CHRNG: variants seen among roughly 807,000 people sequenced by gnomAD.
CHRNG encodes the protein acetylcholine receptor subunit gamma.
Under a neutral mutation model 65.2 loss-of-function variants are expected in CHRNG, and 72 were observed. The observed-to-expected ratio is 1.10, with a 90% confidence interval of 0.91 to 1.34. The LOEUF is 1.34. Ranked by LOEUF, CHRNG falls within the 40% of genes most tolerant of loss-of-function variation. The probability of loss-of-function intolerance (pLI) is 0.00; values close to 1 mark genes in which losing one functional copy is unlikely to be tolerated. For synonymous variants in CHRNG, 284 were observed against 290.2 expected, an observed-to-expected ratio of 0.98 and a Z score of 0.22; for missense variants, 637 against 680.1, an observed-to-expected ratio of 0.94 and a Z score of 0.70.
At position 232,540,138 on chromosome 2, in the gene CHRNG, C is replaced by T. The variant is rs373840946; in HGVS notation, c.195+7C>T. Reference sequence around the variant, plus strand: ...CACCAACCTCATCTCCCTGGTAAGCCGCAGGACGGAGGAGGGGTCAGCGCA... The same window carrying T: ...CACCAACCTCATCTCCCTGGTAAGCTGCAGGACGGAGGAGGGGTCAGCGCA... On this transcript the variant is annotated splice_region_variant and intron_variant, in intron 2 of 11. Coordinates refer to ENST00000651502, the MANE Select transcript of CHRNG (RefSeq NM_005199.5). This position sits in a 1 kb window ranked among gnomAD's most constrained non-coding sequence, Gnocchi z 4.2. The T allele has an allele frequency of 1.3e-4, 205 of 1,614,022 alleles. 2 individuals are homozygous for T. The highest frequency in any genetic ancestry group is 5.2e-4 in the South Asian group (47 of 91,088).
chr2:232,541,010 CGA>C lies in CHRNG; in HGVS notation c.350+303_350+304del, dbSNP rs1240822706. On this transcript the variant is annotated intron_variant, in intron 4 of 11. Transcript: ENST00000651502. This position sits in a 1 kb window ranked among gnomAD's most constrained non-coding sequence, Gnocchi z 4.0. Reference sequence around the variant, plus strand: ...CGCTGACGGGTCCTATAGAAGCTGGCGAGAGTCAACAAGACAGGCATGAAAAG... The same window carrying C: ...CGCTGACGGGTCCTATAGAAGCTGGCGAGTCAACAAGACAGGCATGAAAAG... Among the ~76,000 whole-genome samples the C allele has an allele frequency of 6.6e-6, 1 of 151,918 alleles. No individual in the cohort carries two copies. Among genetic ancestry groups the C allele is most frequent in the East Asian group, 1.9e-4 (1 of 5,152 alleles).
rs2106219582 is a variant in CHRNG at position 232,539,721 on chromosome 2, C to T, written c.-27C>T. ...CAGACCTTGGAGCTGTTGTCCCACC[C>T]CTGTCACTGCAGAGAGCTGAGGCAC... On this transcript the variant is annotated 5_prime_UTR_variant, in exon 1 of 12. Transcript: ENST00000651502. 1 of 1,612,382 alleles carries T rather than the reference C, an allele frequency of 6.2e-7. No homozygotes were observed. Among genetic ancestry groups the T allele is most frequent in the Non-Finnish European group, 8.5e-7 (1 of 1,178,866 alleles).
Position 232,540,228 on chromosome 2 carries a change from C to A in CHRNG, c.195+97C>A. On this transcript the variant is annotated intron_variant, in intron 2 of 11. Transcript: ENST00000651502. This position sits in a 1 kb window ranked among gnomAD's most constrained non-coding sequence, Gnocchi z 4.2. The stretch of plus-strand genomic sequence containing the variant: ...CCAGCCACCAAGAGGTTGGAGGGCC[C>A]TAAATCGGACAGGCTGGGGTCTGGA... The A allele has an allele frequency of 6.2e-7, 1 of 1,607,062 alleles. No homozygotes were observed. The highest frequency in any genetic ancestry group is 1.7e-5 in the Admixed American group (1 of 59,770).
chr2:232,540,535 G>C lies in CHRNG; in HGVS notation c.241-67G>C, dbSNP rs1691994449. 4 of 1,595,372 alleles carry C rather than the reference G, an allele frequency of 2.5e-6. No individual in the cohort carries two copies. Among genetic ancestry groups the C allele is most frequent in the Non-Finnish European group, 3.4e-6 (4 of 1,169,302 alleles). On this transcript the variant is annotated intron_variant, in intron 3 of 11. Transcript: ENST00000651502. The surrounding 1 kb of genome is among the most constrained non-coding windows in gnomAD (Gnocchi z 4.2). Reference sequence around the variant, plus strand: ...CTGCCTCTTCTGTCCTCTTGGGCTGGATGCCCACTCCTAGGGCTGTGGTGC... The same window carrying C: ...CTGCCTCTTCTGTCCTCTTGGGCTGCATGCCCACTCCTAGGGCTGTGGTGC...
In CHRNG at chr2:232,540,209, A is replaced by G; in HGVS notation, c.195+78A>G. The G allele has an allele frequency of 6.2e-7, 1 of 1,611,596 alleles. No homozygotes were observed. Among genetic ancestry groups the G allele is most frequent in the Non-Finnish European group, 8.5e-7 (1 of 1,178,092 alleles). On this transcript the variant is annotated intron_variant, in intron 2 of 11. Coordinates refer to ENST00000651502, the MANE Select transcript of CHRNG (RefSeq NM_005199.5). The surrounding 1 kb of genome is among the most constrained non-coding windows in gnomAD (Gnocchi z 4.2). ...GGGATAGCATGGGGTGGCTCCAGCC[A>G]CCAAGAGGTTGGAGGGCCCTAAATC... is the stretch of plus-strand genomic sequence containing the variant.
rs1462003305 is a variant in CHRNG, at chr2:232,541,834, G to A, written c.506+305G>A. ...AGGCACACATGCACACAAGATGCGT[G>A]TCTGCGCACACACGAAACCACTGCA... On this transcript the variant is annotated intron_variant, in intron 5 of 11. Transcript: ENST00000651502. This position sits in a 1 kb window ranked among gnomAD's most constrained non-coding sequence, Gnocchi z 4.0. The A allele has an allele frequency of 4.1e-6, 2 of 488,850 alleles. No individual in the cohort carries two copies. The highest frequency in any genetic ancestry group is 7.8e-5 in the East Asian group (2 of 25,676). The allele number at this position is 488,850 out of a possible 1,614,324, so 30.3% of individuals were successfully genotyped here. A position where few individuals can be genotyped will look rare whatever the true frequency, so the allele number is the denominator to read the frequency against.
Position 232,543,658 on chromosome 2 carries a change from C to T in CHRNG, c.994C>T (p.Arg332Trp), listed in dbSNP as rs567899708. The change falls in exon 9 of 12, where the codon CGG becomes TGG. Residue 332 changes from arginine to tryptophan, a missense_variant. Physicochemically the swap from Arg to Trp is moderately radical, Grantham distance 101. Coordinates refer to ENST00000651502, the MANE Select transcript of CHRNG (RefSeq NM_005199.5). ...NAVVVLNVSL[R>W]SPHTHSMARG... is the part of the protein sequence containing the mutation. ...TGTGGTTGTGCTCAATGTCTCCTTG[C>T]GGTCTCCACACACACACTCCATGGC... 3.2e-4 allele frequency: 519 copies of T among 1,613,564 alleles called. 7 individuals carry two copies. In the South Asian group the frequency reaches 5.0e-3, roughly 16 times the overall value.
rs1691999992 is a variant in CHRNG, at chr2:232,540,813, G to A, written c.350+102G>A. ...GAAAAGAGAAAGATGAGCAGAGGGT[G>A]CAAATCGGGCACCTGTGGGGCTAGG... On this transcript the variant is annotated intron_variant, in intron 4 of 11. Transcript: ENST00000651502. This position sits in a 1 kb window ranked among gnomAD's most constrained non-coding sequence, Gnocchi z 4.2. 9.3e-7 allele frequency: 1 copy of A among 1,078,978 alleles called. No individual in the cohort carries two copies. Among genetic ancestry groups the A allele is most frequent in the Non-Finnish European group, 1.4e-6 (1 of 731,330 alleles). The allele number at this position is 1,078,978 out of a possible 1,614,324, so 66.8% of individuals were successfully genotyped here.
At chr2:232,542,320 T>C (rs1692033915) in intron 5 of CHRNG, 103 bp from the exon 6 acceptor site, 2 of 764,316 alleles carry the variant, frequency 2.6e-6, no homozygotes, top group Non-Finnish European at 4.7e-6. Flanking sequence ...GGCTGCATTT[T>C]GTTGAAGAAA....
In CHRNG at chr2:232,540,306, C is replaced by T; in HGVS notation, c.196-75C>T. 8 of 1,604,496 alleles carry T rather than the reference C, an allele frequency of 5.0e-6. No individual in the cohort carries two copies. Among genetic ancestry groups the T allele is most frequent in the South Asian group, 2.2e-5 (2 of 90,894 alleles). On this transcript the variant is annotated intron_variant, in intron 2 of 11. Coordinates refer to ENST00000651502, the MANE Select transcript of CHRNG (RefSeq NM_005199.5). The surrounding 1 kb of genome is among the most constrained non-coding windows in gnomAD (Gnocchi z 4.2). The stretch of plus-strand genomic sequence containing the variant: ...TATCAAGAGGCTGGGGGATGCTTGG[C>T]CCCATTGGTGGCCTGTGGGGACTGG...
At position 232,545,678 on chromosome 2, in the gene CHRNG, C is replaced by T. The variant is rs71421651; in HGVS notation, c.1516C>T (p.Pro506Ser). 8.1e-3 allele frequency: 13,082 copies of T among 1,614,182 alleles called. 78 individuals carry two copies. Among genetic ancestry groups the T allele is most frequent in the South Asian group, 0.011 (982 of 91,086 alleles). The change falls in exon 12 of 12, where the codon CCT becomes TCT. Residue 506 changes from proline to serine, a missense_variant. Transcript: ENST00000651502. Reference sequence around the variant, plus strand: ...CAACCGGGTGCCGGCCCTGCCATTCCCTGGAGATCCACGCCCCTACCTGCC... The same window carrying T: ...CAACCGGGTGCCGGCCCTGCCATTCTCTGGAGATCCACGCCCCTACCTGCC... ...HYNRVPALPF[P>S]GDPRPYLPSP...
Position 232,545,831 on chromosome 2 carries a change from G to A in CHRNG, c.*115G>A. The A allele has an allele frequency of 2.5e-6, 3 of 1,198,806 alleles. No individual in the cohort carries two copies. The highest frequency in any genetic ancestry group is 3.7e-6 in the Non-Finnish European group (3 of 820,012). 74.3% of individuals were successfully genotyped at this position (1,198,806 alleles called of 1,614,324 possible). ...GTGCTCTTTGGGAAGTGCCCTTCAG[G>A]ACTGTGTGAGCCAAACAGCCCTGAG... On this transcript the variant is annotated 3_prime_UTR_variant, in exon 12 of 12. Coordinates refer to ENST00000651502, the MANE Select transcript of CHRNG (RefSeq NM_005199.5).
In CHRNG at chr2:232,544,233, A is replaced by G; in HGVS notation, c.1036-134A>G. On this transcript the variant is annotated intron_variant, in intron 9 of 11. Coordinates refer to ENST00000651502, the MANE Select transcript of CHRNG (RefSeq NM_005199.5). ...ACCCAGGCTCGTGTCCAGTATAGAAAGCTTTACCAAGGCCACGTCACTGCC... is the reference window on the plus strand; with the variant it reads ...ACCCAGGCTCGTGTCCAGTATAGAAGGCTTTACCAAGGCCACGTCACTGCC... The G allele has an allele frequency of 3.9e-6, 3 of 769,656 alleles. No homozygotes were observed. In the South Asian group the frequency reaches 4.1e-5, roughly 11 times the overall value. 47.7% of individuals were successfully genotyped at this position (769,656 alleles called of 1,614,324 possible).
In CHRNG at chr2:232,548,019, A is replaced by G; in HGVS notation, c.*2303A>G. The G allele has an allele frequency of 1.9e-6, 1 of 538,262 alleles. No homozygotes were observed. The highest frequency in any genetic ancestry group is 3.1e-5 in the East Asian group (1 of 31,950). The allele number at this position is 538,262 out of a possible 1,614,324, so 33.3% of individuals were successfully genotyped here. ...AAAAGTTATGTTTACACTATACTGT[A>G]GACCAGCAAGAGTGCAATAGCATTG... On this transcript the variant is annotated 3_prime_UTR_variant, in exon 12 of 12. Transcript: ENST00000651502.
rs2106219849 is a variant in CHRNG at position 232,540,111 on chromosome 2, C to T, written c.175C>T (p.Leu59Phe). 6.2e-7 allele frequency: 1 copy of T among 1,614,190 alleles called. No individual in the cohort carries two copies. The highest frequency in any genetic ancestry group is 2.2e-5 in the East Asian group (1 of 44,886). Reference protein sequence around the residue: ...DVVNVSLKLTLTNLISLNERE... With the variant: ...DVVNVSLKLTFTNLISLNERE... ...GGTCAATGTCAGCCTGAAGCTAACCCTCACCAACCTCATCTCCCTGGTAAG... is the reference window on the plus strand; with the variant it reads ...GGTCAATGTCAGCCTGAAGCTAACCTTCACCAACCTCATCTCCCTGGTAAG... The change falls in exon 2 of 12, where the codon CTC becomes TTC. Residue 59 changes from leucine to phenylalanine, a missense_variant. Coordinates refer to ENST00000651502, the MANE Select transcript of CHRNG (RefSeq NM_005199.5). This position sits in a 1 kb window ranked among gnomAD's most constrained non-coding sequence, Gnocchi z 4.2.
rs1381736921 is a variant in CHRNG at position 232,541,321 on chromosome 2, G to T, written c.351-53G>T. 3 of 1,611,092 alleles carry T rather than the reference G, an allele frequency of 1.9e-6. No homozygotes were observed. ...GCACAGGGGCTGGTCTGGGGCTGGG[G>T]TGTCGGGGGCTGAGCCCACAGCCTC... On this transcript the variant is annotated intron_variant, in intron 4 of 11. Coordinates refer to ENST00000651502, the MANE Select transcript of CHRNG (RefSeq NM_005199.5). This position sits in a 1 kb window ranked among gnomAD's most constrained non-coding sequence, Gnocchi z 4.0.
Position 232,540,467 on chromosome 2 carries a change from A to AC in CHRNG, c.240+46dup. ...CCACCCTCCTTCCATCAGGGGTCCCACCCCACCACCCCAAGGCCTCCTGAG... is the reference window on the plus strand; with the variant it reads ...CCACCCTCCTTCCATCAGGGGTCCCACCCCCACCACCCCAAGGCCTCCTGAG... On this transcript the variant is annotated intron_variant, in intron 3 of 11. Transcript: ENST00000651502. The surrounding 1 kb of genome is among the most constrained non-coding windows in gnomAD (Gnocchi z 4.2). 1.2e-6 allele frequency: 2 copies of AC among 1,610,142 alleles called. No homozygotes were observed. Among genetic ancestry groups the AC allele is most frequent in the Non-Finnish European group, 1.7e-6 (2 of 1,178,744 alleles).
At position 232,541,990 on chromosome 2, in the gene CHRNG, G is replaced by T; in HGVS notation, c.507-433G>T. ...GTCTGTTTCCTCAAACCTAAGTGTG[G>T]GGAGGAGGGCCCGGGGGAGGGTTCT... On this transcript the variant is annotated intron_variant, in intron 5 of 11. Transcript: ENST00000651502. This position sits in a 1 kb window ranked among gnomAD's most constrained non-coding sequence, Gnocchi z 4.0. 6.3e-6 allele frequency: 2 copies of T among 318,076 alleles called. No homozygotes were observed. The highest frequency in any genetic ancestry group is 1.6e-4 in the East Asian group (2 of 12,694). The allele number at this position is 318,076 out of a possible 1,614,324, so 19.7% of individuals were successfully genotyped here.
chr2:232,543,693 C>A lies in CHRNG; in HGVS notation c.1029C>A (p.Val343=). 1 of 1,604,684 alleles carries A rather than the reference C, an allele frequency of 6.2e-7. No individual in the cohort carries two copies. Among genetic ancestry groups the A allele is most frequent in the Non-Finnish European group, 8.5e-7 (1 of 1,171,554 alleles). ...ACACACACTCCATGGCCCGAGGGGT[C>A]CGCAAGGCAAGGACCCTCCCTGCCC... ...SPHTHSMARG[V]RKVFLRLLPQ... is the part of the protein sequence containing the mutation. Residue 343 remains valine, a synonymous_variant, in exon 9 of 12, where the codon GTC becomes GTA. Transcript: ENST00000651502.
Sources: gnomAD v4.1 joint callset for allele counts (sites outside exome capture counted in the v4.1 genomes callset) on GRCh38, gnomAD v4.1.1 for gene constraint, Gnocchi (gnomAD v3.1) non-coding constraint, MANE v1.5 for transcripts, NCBI Gene and HGNC (gene_info 2026-07-23, HGNC 2026-07-21) for gene names.